Variants in HS3ST3A1 observed in about 807,000 individuals in gnomAD.
The protein encoded by HS3ST3A1 is heparan sulfate glucosamine 3-O-sulfotransferase 3A1.
HS3ST3A1 carries 19 observed loss-of-function variants against 25.7 expected under a neutral mutation model. The ratio of observed to expected loss-of-function variants is 0.74; its 90% CI spans 0.52 to 1.08. The LOEUF is 1.08. HS3ST3A1 is among the 50% of genes least tolerant of loss of function. The pLI is 0.00. For missense variants in HS3ST3A1, 459 were observed against 594.3 expected (o/e 0.77, Z 2.37); for synonymous variants, 226 against 278.6 (o/e 0.81, Z 1.88).
At chr17:13,569,094 T>A (rs57846330) in intron 1 of HS3ST3A1, among the ~76,000 whole-genome samples, 2,236 of 152,274 alleles carry the variant, frequency 0.015, 89 homozygotes, top group East Asian at 0.13. Context: ...CTTGGCTTTA[T>A]GTATAGGCAT....
At chr17:13,562,403 G>C (rs1463094906) in intron 1 of HS3ST3A1, among the ~76,000 whole-genome samples, 3 of 152,044 alleles carry the variant, frequency 2.0e-5, no homozygotes, top group South Asian at 4.2e-4. Context: ...GTGGCTGCTC[G>C]GGCACACACG....
chr17:13,538,380 T>C (rs1032851117), intron 1 of HS3ST3A1, among the ~76,000 whole-genome samples: 29 of 152,248 alleles, frequency 1.9e-4, no homozygotes, highest in African/African-American at 7.0e-4. Context: ...AGGTTGTCTG[T>C]TGCTATTTTC....
intron 1 of HS3ST3A1, among the ~76,000 whole-genome samples, chr17:13,514,813 G>A (rs931505895): frequency 6.6e-6 from 1 of 152,162 alleles, no homozygotes; most frequent in Non-Finnish European, 1.5e-5. Flanking sequence ...ATGCAAATCA[G>A]TACACATACT....
At chr17:13,516,933 G>A (rs533179971) in intron 1 of HS3ST3A1, among the ~76,000 whole-genome samples, 4 of 152,238 alleles carry the variant, frequency 2.6e-5, no homozygotes, top group East Asian at 1.9e-4. Flanking sequence ...TGACCCGCCC[G>A]CCTCGGCCTC....
chr17:13,549,998 G>A (rs956816621), intron 1 of HS3ST3A1, among the ~76,000 whole-genome samples: 1 of 152,052 alleles, frequency 6.6e-6, no homozygotes, highest in Non-Finnish European at 1.5e-5. Flanking sequence ...ATAGATATTG[G>A]GGGAATATAA....
rs77890020 is a variant in HS3ST3A1, at chr17:13,530,937, C to T, written c.600-34119G>A. ...TGGGCCAGTGAGGATCCTGATCCCTCTTCTCTGGCTAGAAATGAACCCAGT... is the reference window on the plus strand; with the variant it reads ...TGGGCCAGTGAGGATCCTGATCCCTTTTCTCTGGCTAGAAATGAACCCAGT... On this transcript the variant is annotated intron_variant, in intron 1 of 1. Coordinates refer to ENST00000284110, the MANE Select transcript of HS3ST3A1 (RefSeq NM_006042.3). Among the ~76,000 whole-genome samples, 214 of 152,304 alleles carry T rather than the reference C, an allele frequency of 1.4e-3. 2 individuals are homozygous for T. The East Asian group carries it at 0.037, about 26-fold the overall frequency.
At chr17:13,545,395 G>A (rs1321341649) in intron 1 of HS3ST3A1, among the ~76,000 whole-genome samples, 1 of 152,174 alleles carries the variant, frequency 6.6e-6, no homozygotes, top group Non-Finnish European at 1.5e-5. Context: ...TCATCGTGGT[G>A]GAGTTTTATT....
At chr17:13,539,143 C>T (rs1906854771) in intron 1 of HS3ST3A1, among the ~76,000 whole-genome samples, 2 of 152,266 alleles carry the variant, frequency 1.3e-5, no homozygotes, top group African/African-American at 2.4e-5. Context: ...TGTTGAATTC[C>T]TTATTTGGTG....
intron 1 of HS3ST3A1, among the ~76,000 whole-genome samples, chr17:13,502,977 G>A (rs1354418084): frequency 1.3e-5 from 2 of 151,334 alleles, no homozygotes; most frequent in East Asian, 3.9e-4. Flanking sequence ...TCAAGAGAGC[G>A]AGACCATCCT....
chr17:13,537,109 G>A (rs1906794028), intron 1 of HS3ST3A1, among the ~76,000 whole-genome samples: 1 of 152,044 alleles, frequency 6.6e-6, no homozygotes, highest in Non-Finnish European at 1.5e-5. Flanking sequence ...ATCTGCCTAG[G>A]GCACGTCGTG....
chr17:13,510,205 C>T lies in HS3ST3A1; in HGVS notation c.600-13387G>A, dbSNP rs567189035. On this transcript the variant is annotated intron_variant, in intron 1 of 1. Transcript: ENST00000284110. ...CAAACCCCACATCTAGGCTGATCTG[C>T]GCTCTTGACAGGAGTTTTATAAATG... 1.3e-4 allele frequency among the ~76,000 whole-genome samples: 20 copies of T among 152,284 alleles called. 1 individual carries two copies. In the South Asian group the frequency reaches 3.9e-3, roughly 30 times the overall value.
At chr17:13,553,371 G>T (rs1180447056) in intron 1 of HS3ST3A1, among the ~76,000 whole-genome samples, 1 of 152,094 alleles carries the variant, frequency 6.6e-6, no homozygotes, top group Non-Finnish European at 1.5e-5. Flanking sequence ...TGGGTCTTGT[G>T]GCTGCATTCA....
chr17:13,547,619 TC>T (rs1402874346), intron 1 of HS3ST3A1, among the ~76,000 whole-genome samples: 10 of 152,278 alleles, frequency 6.6e-5, no homozygotes, highest in African/African-American at 9.6e-5. Context: ...AAGCATCTTT[TC>T]CATTTGGCTG....
chr17:13,506,112 G>A (rs1429057711), intron 1 of HS3ST3A1, among the ~76,000 whole-genome samples: 1 of 143,454 alleles, frequency 7.0e-6, no homozygotes, highest in African/African-American at 2.6e-5. Context: ...TAGGGTTTCT[G>A]CATGAGGTTT....
At chr17:13,516,709 A>T (rs544627183) in intron 1 of HS3ST3A1, among the ~76,000 whole-genome samples, 1 of 152,356 alleles carries the variant, frequency 6.6e-6, no homozygotes, top group South Asian at 2.1e-4. Flanking sequence ...TGCAGAAGTT[A>T]TACTTTCAAT....
Position 13,600,817 on chromosome 17 carries a change from G to T in HS3ST3A1, c.313C>A (p.Arg105Ser). The T allele has an allele frequency of 7.1e-7, 1 of 1,413,750 alleles. No individual in the cohort carries two copies. The highest frequency in any genetic ancestry group is 1.6e-5 in the South Asian group (1 of 64,426). 87.6% of individuals were successfully genotyped at this position (1,413,750 alleles called of 1,614,324 possible). The part of the protein sequence containing the change: ...QWRRRRPPAP[R>S]DDGEEAAWEE... The stretch of plus-strand genomic sequence containing the variant: ...CAGGCCGCCTCCTCGCCGTCGTCGC[G>T]GGGCGCGGGCGGCCGGCGCCTCCGC... Residue 105 changes from arginine to serine, a missense_variant, in exon 1 of 2, where the codon CGC (arginine) becomes AGC (serine). This residue lies in a region of HS3ST3A1 where 346 missense variants were observed against 303.9 expected (regional missense o/e 1.14). Transcript: ENST00000284110.
chr17:13,577,228 G>A (rs1183967976), intron 1 of HS3ST3A1, among the ~76,000 whole-genome samples: 1 of 152,166 alleles, frequency 6.6e-6, no homozygotes, highest in Non-Finnish European at 1.5e-5. Context: ...TTCAAGATGA[G>A]ATTTGGGTAG....
intron 1 of HS3ST3A1, among the ~76,000 whole-genome samples, chr17:13,522,608 G>A (rs2142320500): frequency 6.6e-6 from 1 of 152,176 alleles, no homozygotes; most frequent in Middle Eastern, 3.4e-3. Context: ...TATTTCAGGA[G>A]ACAATTATTA....
At position 13,566,531 on chromosome 17, in the gene HS3ST3A1, G is replaced by A. The variant is rs554945558; in HGVS notation, c.599+34000C>T. ...AAAGCCAGAAATGATTAAACTTAGT[G>A]AGGAAGGCATGTTGAAAGCTGAGAC... On this transcript the variant is annotated intron_variant, in intron 1 of 1. Transcript: ENST00000284110. Among the ~76,000 whole-genome samples, 140 of 152,330 alleles carry A rather than the reference G, an allele frequency of 9.2e-4. 1 individual carries two copies. The highest frequency in any genetic ancestry group is 7.4e-5 in the Non-Finnish European group (5 of 68,020).
Sources: allele counts gnomAD v4.1 joint callset (sites outside exome capture counted in the v4.1 genomes callset), GRCh38; gene constraint gnomAD v4.1.1; regional missense constraint gnomAD v4.1.1; transcripts MANE v1.5; gene names NCBI Gene and HGNC (gene_info 2026-07-23, HGNC 2026-07-21).